The following XYLT1 variants were observed in gnomAD, a reference collection of about 807,000 sequenced individuals.
XYLT1 encodes xylosyltransferase 1, also known as beta-D-xylosyltransferase 1.
Under a neutral mutation model 91.3 loss-of-function variants are expected in XYLT1, and 36 were observed. The observed-to-expected ratio is 0.39, with a 90% CI of 0.30 to 0.52. The LOEUF (loss-of-function observed/expected upper bound fraction) is 0.52. Ranked by LOEUF, XYLT1 falls within the 20% of genes least tolerant of loss-of-function variation. The pLI is 0.68. For missense variants in XYLT1, 1,242 were observed against 1,284.5 expected (o/e 0.97, Z 0.51); for synonymous variants, 588 against 532.0 (o/e 1.11, Z -1.45).
chr16:17,423,214 T>G (rs914530707), intron 1 of XYLT1, among the ~76,000 whole-genome samples: 4 of 152,182 alleles, frequency 2.6e-5, no homozygotes, highest in African/African-American at 9.7e-5. Flanking sequence ...CTGGAGTAGG[T>G]GCTTTCACTG....
At chr16:17,158,701 G>T in intron 6 of XYLT1, 128 bp downstream of exon 6, 1 of 932,438 alleles carries the variant, frequency 1.1e-6, no homozygotes. Flanking sequence ...GCGAAGGACA[G>T]CTGGTGCCAA....
At position 17,228,219 on chromosome 16, in the gene XYLT1, G is replaced by A. The variant is rs76134417; in HGVS notation, c.914-27565C>T. ...AATGAGAAAGACAGCTCCTTCCAGT[G>A]GGATTCTTTCCTAATCTAAAGGCAT... On this transcript the variant is annotated intron_variant, in intron 3 of 11. Transcript: ENST00000261381. 4.3e-3 allele frequency among the ~76,000 whole-genome samples: 658 copies of A among 152,250 alleles called. 3 individuals are homozygous for A. Among genetic ancestry groups the A allele is most frequent in the Non-Finnish European group, 4.8e-3 (329 of 68,000 alleles).
At position 17,261,548 on chromosome 16, in the gene XYLT1, T is replaced by A. The variant is rs558305718; in HGVS notation, c.403-2050A>T. ...CTTCCAAGAAATTGTATGATCCTTA[T>A]TACACCCATCACCCAAAACCCTTAA... is the stretch of plus-strand genomic sequence containing the variant. On this transcript the variant is annotated intron_variant, in intron 2 of 11. Transcript: ENST00000261381. 2.1e-4 allele frequency among the ~76,000 whole-genome samples: 32 copies of A among 152,242 alleles called. No individual in the cohort carries two copies. The South Asian group carries it at 6.0e-3, about 29-fold the overall frequency.
At chr16:17,387,265 C>A (rs929906046) in intron 1 of XYLT1, among the ~76,000 whole-genome samples, 1 of 152,170 alleles carries the variant, frequency 6.6e-6, no homozygotes, top group Non-Finnish European at 1.5e-5. Context: ...GAAAGGTGGG[C>A]TGTGGGACTG....
chr16:17,330,847 G>T (rs2034886894), intron 2 of XYLT1, among the ~76,000 whole-genome samples: 2 of 152,102 alleles, frequency 1.3e-5, no homozygotes, highest in South Asian at 2.1e-4. Context: ...ATGTAGAGGA[G>T]CAAGGGGCAG....
intron 1 of XYLT1, among the ~76,000 whole-genome samples, chr16:17,463,618 G>T (rs574208358): frequency 4.6e-5 from 7 of 152,194 alleles, no homozygotes; most frequent in Non-Finnish European, 8.8e-5. Flanking sequence ...ATACACTGTT[G>T]GTGGGAATGT....
At chr16:17,125,590 T>C (rs1039012591) in intron 10 of XYLT1, among the ~76,000 whole-genome samples, 1 of 152,028 alleles carries the variant, frequency 6.6e-6, no homozygotes, top group Non-Finnish European at 1.5e-5. Flanking sequence ...CTGGCTCTTT[T>C]ACAGGCTTTA....
At chr16:17,244,579 C>T (rs1041411013) in intron 3 of XYLT1, among the ~76,000 whole-genome samples, 4 of 152,206 alleles carry the variant, frequency 2.6e-5, no homozygotes, top group African/African-American at 9.7e-5. Context: ...TCTTCAGATG[C>T]TCTGTAGCAG....
intron 1 of XYLT1, among the ~76,000 whole-genome samples, chr16:17,413,001 T>C (rs916493572): frequency 1.2e-4 from 18 of 152,146 alleles, no homozygotes; most frequent in African/African-American, 3.9e-4. Flanking sequence ...ATAATACATA[T>C]AGCCACACTC....
rs1447009703 is a variant in XYLT1 at position 17,414,878 on chromosome 16, AACGGGG to A, written c.363+55550_363+55555del. On this transcript the variant is annotated intron_variant, in intron 1 of 11. Transcript: ENST00000261381. ...GTGAGATTAAAGCGCATGAATACCC[AACGGGG>A]CCGGCATGTGGTGAGCACTGTGTGG... Among the ~76,000 whole-genome samples, 27 of 152,210 alleles carry A rather than the reference AACGGGG, an allele frequency of 1.8e-4. No individual in the cohort carries two copies. In the South Asian group the frequency reaches 2.7e-3, roughly 15 times the overall value.
chr16:17,118,232 G>A (rs1429625844), intron 10 of XYLT1, among the ~76,000 whole-genome samples: 1 of 152,076 alleles, frequency 6.6e-6, no homozygotes, highest in African/African-American at 2.4e-5. Context: ...CTGGTGTATG[G>A]CATGTGCTTT....
intron 2 of XYLT1, among the ~76,000 whole-genome samples, chr16:17,302,032 T>C (rs2034403079): frequency 6.6e-6 from 1 of 152,012 alleles, no homozygotes; most frequent in African/African-American, 2.4e-5. Flanking sequence ...GCCAACATGG[T>C]GAAACCCCAT....
intron 9 of XYLT1, among the ~76,000 whole-genome samples, chr16:17,131,461 G>A (rs530123020): frequency 6.6e-6 from 1 of 152,248 alleles, no homozygotes; most frequent in African/African-American, 2.4e-5. Flanking sequence ...GCATTCCCAC[G>A]GAATGTACTG....
chr16:17,456,209 C>G (rs184029272), intron 1 of XYLT1, among the ~76,000 whole-genome samples: 1 of 151,464 alleles, frequency 6.6e-6, no homozygotes, highest in Non-Finnish European at 1.5e-5. Context: ...CACACTCGAC[C>G]TTTTTTTTAC....
At chr16:17,357,470 G>T (rs1298907898) in intron 2 of XYLT1, among the ~76,000 whole-genome samples, 1 of 152,148 alleles carries the variant, frequency 6.6e-6, no homozygotes, top group Non-Finnish European at 1.5e-5. Context: ...CAGACAGTCA[G>T]GGCCGTGCCC....
At chr16:17,436,100 C>T (rs572204696) in intron 1 of XYLT1, among the ~76,000 whole-genome samples, 1 of 152,194 alleles carries the variant, frequency 6.6e-6, no homozygotes, top group Non-Finnish European at 1.5e-5. Flanking sequence ...AGTTCCCCTG[C>T]ACATGCTCTC....
At chr16:17,460,790 T>C (rs2141959374) in intron 1 of XYLT1, among the ~76,000 whole-genome samples, 1 of 152,300 alleles carries the variant, frequency 6.6e-6, no homozygotes, top group East Asian at 1.9e-4. Context: ...TCCTAATCTT[T>C]AAATTCCAGG....
At chr16:17,467,906 C>CTAACCACCTCTCTACAAGAG (rs2036921068) in intron 1 of XYLT1, among the ~76,000 whole-genome samples, 1 of 152,136 alleles carries the variant, frequency 6.6e-6, no homozygotes, top group South Asian at 2.1e-4. Context: ...AAGCATGTGT[C>CTAACCACCTCTCTACAAGAG]TAACCACCTC....
chr16:17,434,808 T>C (rs2036434281), intron 1 of XYLT1, among the ~76,000 whole-genome samples: 1 of 151,396 alleles, frequency 6.6e-6, no homozygotes, highest in African/African-American at 2.4e-5. Context: ...TTCAGGGCTA[T>C]AGTGAGCTAT....
Sources: allele counts gnomAD v4.1 joint callset (sites outside exome capture counted in the v4.1 genomes callset), GRCh38; gene constraint gnomAD v4.1.1; transcripts MANE v1.5; gene names NCBI Gene and HGNC (gene_info 2026-07-23, HGNC 2026-07-21).